Variants in SDHAF4 observed in about 807,000 individuals in gnomAD.
SDHAF4 encodes succinate dehydrogenase complex assembly factor 4.
In SDHAF4, 14 loss-of-function variants were observed where a neutral mutation model predicts 14.3. That is an observed-to-expected ratio of 0.98 (90% confidence interval 0.65 to 1.53). The LOEUF (loss-of-function observed/expected upper bound fraction) is 1.53. SDHAF4 is among the 40% of genes most tolerant of loss of function. The pLI is 0.00. For synonymous variants in SDHAF4, 63 were observed against 47.3 expected (o/e 1.33, Z -1.36); for missense variants, 141 against 129.3 (o/e 1.09, Z -0.44).
intron 1 of SDHAF4, among the ~76,000 whole-genome samples, chr6:70,575,570 G>A (rs565158613): frequency 2.0e-5 from 3 of 150,242 alleles, no homozygotes; most frequent in Admixed American, 6.6e-5. Context: ...ATTTACTTTC[G>A]TAAAGGTTCT....
At chr6:70,573,973 GC>G (rs1386886807) in intron 1 of SDHAF4, among the ~76,000 whole-genome samples, 3 of 151,626 alleles carry the variant, frequency 2.0e-5, no homozygotes, top group South Asian at 4.2e-4. Flanking sequence ...ACTGTGCCCA[GC>G]CTAAAAAAAA....
At position 70,588,704 on chromosome 6, in the gene SDHAF4, G is replaced by C; in HGVS notation, c.307G>C (p.Gly103Arg). The C allele has an allele frequency of 6.2e-7, 1 of 1,603,720 alleles. No homozygotes were observed. The highest frequency in any genetic ancestry group is 1.1e-5 in the South Asian group (1 of 89,896). The part of the protein sequence containing the change: ...PTRYGDWERK[G>R]RCIDF ...CCGATATGGAGATTGGGAACGAAAA[G>C]GACGCTGTATTGATTTTTAAGTCGC... Residue 103 changes from glycine (G) to arginine (R), a missense_variant, in exon 3 of 3, where the codon GGA becomes CGA. Gly to Arg is a moderately radical substitution (Grantham distance 125). Transcript: ENST00000370474.
chr6:70,597,766 G>T, the SDHAF4 span, among the ~76,000 whole-genome samples: 3 of 152,204 alleles, frequency 2.0e-5, no homozygotes, highest in Middle Eastern at 3.4e-3. Context: ...AATGTGTTCT[G>T]ACTTTGCCAT....
At chr6:70,571,372 A>G (rs1310184320) in intron 1 of SDHAF4, among the ~76,000 whole-genome samples, 2 of 151,874 alleles carry the variant, frequency 1.3e-5, no homozygotes, top group African/African-American at 2.4e-5. Flanking sequence ...TTGGCCTGTA[A>G]TTTTCTTCTA....
At chr6:70,569,759 G>T (rs914030513) in intron 1 of SDHAF4, among the ~76,000 whole-genome samples, 17 of 152,076 alleles carry the variant, frequency 1.1e-4, no homozygotes, top group African/African-American at 4.1e-4. Flanking sequence ...ATAAAATTTT[G>T]TCTTGATCCT....
At chr6:70,595,699 G>A in the SDHAF4 span, among the ~76,000 whole-genome samples, 18 of 152,128 alleles carry the variant, frequency 1.2e-4, no homozygotes, top group East Asian at 3.9e-4. Context: ...AGCTGGGCGC[G>A]GTGGCGCACG....
At chr6:70,570,447 C>T (rs550422510) in intron 1 of SDHAF4, among the ~76,000 whole-genome samples, 36 of 152,226 alleles carry the variant, frequency 2.4e-4, no homozygotes, top group African/African-American at 8.4e-4. Flanking sequence ...CTCAGCCTCC[C>T]GAGTAGCTGG....
intron 1 of SDHAF4, among the ~76,000 whole-genome samples, chr6:70,575,495 A>G (rs898364641): frequency 7.3e-5 from 11 of 150,292 alleles, no homozygotes; most frequent in African/African-American, 2.7e-4. Context: ...AAAAAAAAAA[A>G]GACGCAATAA....
At chr6:70,598,342 G>A in the SDHAF4 span, among the ~76,000 whole-genome samples, 1 of 152,130 alleles carries the variant, frequency 6.6e-6, no homozygotes, top group Non-Finnish European at 1.5e-5. Context: ...TGGAGCCACT[G>A]CACTCCAGCG....
intron 1 of SDHAF4, among the ~76,000 whole-genome samples, chr6:70,579,098 C>G (rs1802290275): frequency 1.3e-5 from 2 of 152,212 alleles, no homozygotes; most frequent in African/African-American, 4.8e-5. Context: ...GTTTGTACTA[C>G]TAAGTTACTC....
chr6:70,593,101 A>G (rs918335681), downstream of SDHAF4, among the ~76,000 whole-genome samples: 13 of 152,238 alleles, frequency 8.5e-5, no homozygotes, highest in Non-Finnish European at 1.6e-4. Context: ...GGTGGTCCCC[A>G]GTGTGGCTCG....
intron 2 of SDHAF4, among the ~76,000 whole-genome samples, chr6:70,586,697 C>A (rs1765205132): frequency 6.6e-6 from 1 of 151,808 alleles, no homozygotes; most frequent in Admixed American, 6.6e-5. Flanking sequence ...ATAAAACACA[C>A]AAAAAAATTA....
At chr6:70,584,804 C>T (rs868164633) in intron 2 of SDHAF4, among the ~76,000 whole-genome samples, 1 of 152,088 alleles carries the variant, frequency 6.6e-6, no homozygotes, top group South Asian at 2.1e-4. Flanking sequence ...CGAAAGTCAT[C>T]AGGAAAGAGA....
downstream of SDHAF4, among the ~76,000 whole-genome samples, chr6:70,592,863 A>G (rs941094076): frequency 7.2e-5 from 11 of 152,226 alleles, no homozygotes; most frequent in Admixed American, 1.3e-4. Flanking sequence ...TGCTAAAGAG[A>G]TTAATATGGC....
intron 1 of SDHAF4, among the ~76,000 whole-genome samples, chr6:70,574,048 C>A (rs950295300): frequency 1.3e-5 from 2 of 148,876 alleles, no homozygotes; most frequent in Non-Finnish European, 3.0e-5. Flanking sequence ...TGGCTGGGCA[C>A]GGTGGCTCAT....
At chr6:70,577,267 A>T (rs1443902737) in intron 1 of SDHAF4, among the ~76,000 whole-genome samples, 1 of 152,128 alleles carries the variant, frequency 6.6e-6, no homozygotes, top group East Asian at 1.9e-4. Flanking sequence ...AACCAAACCT[A>T]TTCACAGATT....
intron 1 of SDHAF4, among the ~76,000 whole-genome samples, chr6:70,573,218 C>T (rs1039069454): frequency 3.3e-5 from 5 of 149,844 alleles, no homozygotes; most frequent in African/African-American, 1.2e-4. Context: ...AACTTTATTC[C>T]AGATTATAAA....
downstream of SDHAF4, among the ~76,000 whole-genome samples, chr6:70,592,834 G>A (rs9455179): frequency 0.41 from 62,100 of 152,044 alleles, 13,354 homozygotes; most frequent in African/African-American, 0.52. Flanking sequence ...GAAACCAAGC[G>A]TATGACCAAG....
At chr6:70,568,971 T>C (rs1025002954) in intron 1 of SDHAF4, among the ~76,000 whole-genome samples, 6 of 140,134 alleles carry the variant, frequency 4.3e-5, no homozygotes, top group Non-Finnish European at 7.7e-5. Flanking sequence ...TCTTTTTTTT[T>C]TTTTTTTTTT....
Sources: gnomAD v4.1 joint callset for allele counts (sites outside exome capture counted in the v4.1 genomes callset) on GRCh38, gnomAD v4.1.1 for gene constraint, MANE v1.5 for transcripts, NCBI Gene and HGNC (gene_info 2026-07-23, HGNC 2026-07-21) for gene names.